The following GOLGA1 variants were observed in gnomAD, a reference collection of about 807,000 sequenced individuals.
GOLGA1 encodes golgin A1.
A neutral mutation model predicts 119.7 loss-of-function variants in GOLGA1; 63 were observed. The ratio of observed to expected loss-of-function variants is 0.53; its 90% CI spans 0.43 to 0.65. GOLGA1 has a LOEUF of 0.65. Ranked by LOEUF, GOLGA1 falls within the 30% of genes least tolerant of loss-of-function variation. The pLI is 0.00. For synonymous variants in GOLGA1, 318 were observed against 333.4 expected (o/e 0.95, Z 0.50); for missense variants, 798 against 912.8 (o/e 0.87, Z 1.62).
At chr9:124,926,910 A>G (rs1038069043) in intron 6 of GOLGA1, among the ~76,000 whole-genome samples, 169 bp from the exon 7 acceptor site, 5 of 152,216 alleles carry the variant, frequency 3.3e-5, no homozygotes, top group Non-Finnish European at 7.3e-5. Flanking sequence ...AAGAAAGGCA[A>G]GAGTCACAAA....
chr9:124,914,867 T>G (rs1588082558), intron 10 of GOLGA1, among the ~76,000 whole-genome samples: 1 of 152,160 alleles, frequency 6.6e-6, no homozygotes. Flanking sequence ...AAACAACACA[T>G]CTTACACAGG....
At chr9:124,937,342 A>G (rs1258493447) in intron 3 of GOLGA1, among the ~76,000 whole-genome samples, 1 of 152,056 alleles carries the variant, frequency 6.6e-6, no homozygotes, top group Admixed American at 6.6e-5. Flanking sequence ...GTCCCAAGCT[A>G]CTCAGGAGGC....
At chr9:124,909,031 C>T (rs749554234) in intron 11 of GOLGA1, among the ~76,000 whole-genome samples, 1 of 152,138 alleles carries the variant, frequency 6.6e-6, no homozygotes, top group Non-Finnish European at 1.5e-5. Context: ...AATTCTAGGC[C>T]GGGTGTGGTG....
intron 19 of GOLGA1, among the ~76,000 whole-genome samples, chr9:124,886,621 C>T (rs956867322): frequency 6.6e-5 from 10 of 152,052 alleles, no homozygotes; most frequent in Admixed American, 2.0e-4. Context: ...GGGTGCAAGC[C>T]GAGGGCTTTC....
intron 15 of GOLGA1, 105 bp from the exon 16 acceptor site, chr9:124,890,583 C>A: frequency 2.4e-6 from 2 of 828,586 alleles, no homozygotes; most frequent in Non-Finnish European, 4.1e-6. Context: ...CAGAGCCAGA[C>A]CAACATGCTC....
intron 12 of GOLGA1, 101 bp from the exon 13 acceptor site, chr9:124,900,648 A>G (rs1830085064): frequency 1.8e-6 from 1 of 568,058 alleles, no homozygotes. Context: ...CAGGTACATT[A>G]TAGAAAAATG....
rs147995030 is a variant in GOLGA1, at chr9:124,900,451, C to T, written c.1161+1G>A. 4 of 1,458,750 alleles carry T rather than the reference C, an allele frequency of 2.7e-6. No individual in the cohort carries two copies. Among genetic ancestry groups the T allele is most frequent in the Non-Finnish European group, 3.9e-6 (4 of 1,038,286 alleles). The allele number at this position is 1,458,750 out of a possible 1,614,324, so 90.4% of individuals were successfully genotyped here. On this transcript the variant is annotated splice_donor_variant, in intron 13 of 22. Coordinates refer to ENST00000373555, the MANE Select transcript of GOLGA1 (RefSeq NM_002077.4). LOFTEE classifies it high-confidence loss of function. ...ATGCAGCAGCTCCAATAAGCACTTA[C>T]GAGCTCCTGTATCTGAGTTTCCTGG...
At chr9:124,933,446 A>C (rs1350390889) in intron 3 of GOLGA1, among the ~76,000 whole-genome samples, 1 of 151,992 alleles carries the variant, frequency 6.6e-6, no homozygotes, top group Non-Finnish European at 1.5e-5. Context: ...ATTTAGACAG[A>C]GTCTCGCTCT....
rs61733258 is a variant in GOLGA1, at chr9:124,890,457, T to C, written c.1429A>G (p.Ile477Val). The change falls in exon 16 of 23, where the codon ATT becomes GTT. Residue 477 changes from isoleucine (I) to valine (V), a missense_variant. Transcript: ENST00000373555. Reference sequence around the variant, plus strand: ...GCTTGAGCCATGGCCACGCTCACAATTTCTCTTTGGCTCCATTCTTCCTAC... The same window carrying C: ...GCTTGAGCCATGGCCACGCTCACAACTTCTCTTTGGCTCCATTCTTCCTAC... ...KLKEEWSQRE[I>V]VSVAMAQALE... 6.2e-7 allele frequency: 1 copy of C among 1,613,608 alleles called. No homozygotes were observed.
chr9:124,920,340 C>A (rs1285793783), intron 10 of GOLGA1, among the ~76,000 whole-genome samples: 2 of 148,496 alleles, frequency 1.3e-5, no homozygotes, highest in Non-Finnish European at 3.0e-5. Flanking sequence ...CTCATGTGAT[C>A]CTCCTGCCTT....
chr9:124,884,330 A>G (rs1047900478), intron 19 of GOLGA1, among the ~76,000 whole-genome samples: 1 of 152,218 alleles, frequency 6.6e-6, no homozygotes, highest in African/African-American at 2.4e-5. Context: ...AAATTTATTC[A>G]AAGTCTCTGA....
At position 124,889,414 on chromosome 9, in the gene GOLGA1, G is replaced by T; in HGVS notation, c.1600+20C>A. On this transcript the variant is annotated intron_variant, in intron 17 of 22. Coordinates refer to ENST00000373555, the MANE Select transcript of GOLGA1 (RefSeq NM_002077.4). ...GGGCCTGAAAAGGAGAGAAGGCTCA[G>T]CCAGGGACCGACTCCTCACCTCGCT... The T allele has an allele frequency of 6.3e-7, 1 of 1,597,720 alleles. No individual in the cohort carries two copies. Among genetic ancestry groups the T allele is most frequent in the East Asian group, 2.2e-5 (1 of 44,780 alleles).
At chr9:124,932,085 G>A (rs1450704900) in intron 3 of GOLGA1, among the ~76,000 whole-genome samples, 1 of 152,266 alleles carries the variant, frequency 6.6e-6, no homozygotes, top group Non-Finnish European at 1.5e-5. Context: ...AGAGAGATTG[G>A]TCTAAATAAT....
chr9:124,908,430 G>A lies in GOLGA1; in HGVS notation c.1012C>T (p.Leu338Phe), dbSNP rs751085724. The A allele has an allele frequency of 6.2e-7, 1 of 1,611,430 alleles. No individual in the cohort carries two copies. Among genetic ancestry groups the A allele is most frequent in the Admixed American group, 1.7e-5 (1 of 60,032 alleles). Residue 338 changes from leucine (L) to phenylalanine (F), a missense_variant, in exon 12 of 23, where the codon CTC becomes TTC. Leu to Phe is a conservative substitution (Grantham distance 22, BLOSUM62 0). Coordinates refer to ENST00000373555, the MANE Select transcript of GOLGA1 (RefSeq NM_002077.4). ...EQNLEDTRQQ[L>F]LAARSSQAKA... Reference sequence around the variant, plus strand: ...GCCTGGCTGCTTCTGGCTGCCAAGAGCTGTTGTCTGGTATCCTCCAAATTC... The same window carrying A: ...GCCTGGCTGCTTCTGGCTGCCAAGAACTGTTGTCTGGTATCCTCCAAATTC...
chr9:124,888,106 G>A lies in GOLGA1; in HGVS notation c.1905+147C>T. 1 of 725,860 alleles carries A rather than the reference G, an allele frequency of 1.4e-6. No homozygotes were observed. Among genetic ancestry groups the A allele is most frequent in the Non-Finnish European group, 2.4e-6 (1 of 410,618 alleles). 45.0% of individuals were successfully genotyped at this position (725,860 alleles called of 1,614,324 possible). A position where few individuals can be genotyped will look rare whatever the true frequency, so the allele number is the denominator to read the frequency against. Reference sequence around the variant, plus strand: ...ACAGTGCAGGAGGAACGGAAGATCAGGAGGAAGGCCTTTGGGTGAGAGGGG... The same window carrying A: ...ACAGTGCAGGAGGAACGGAAGATCAAGAGGAAGGCCTTTGGGTGAGAGGGG... On this transcript the variant is annotated intron_variant, in intron 19 of 22. Transcript: ENST00000373555. The surrounding 1 kb of genome is among the most constrained non-coding windows in gnomAD (Gnocchi z 4.4).
chr9:124,900,731 T>A (rs1299272455), intron 12 of GOLGA1, among the ~76,000 whole-genome samples, 184 bp from the exon 13 acceptor site: 1 of 152,226 alleles, frequency 6.6e-6, no homozygotes, highest in Non-Finnish European at 1.5e-5. Flanking sequence ...TTTCTTAAAC[T>A]CTCTTTTAAT....
intron 15 of GOLGA1, among the ~76,000 whole-genome samples, chr9:124,893,971 C>A (rs1389446675): frequency 1.3e-5 from 2 of 152,154 alleles, no homozygotes; most frequent in Non-Finnish European, 2.9e-5. Context: ...GGAAGCATCT[C>A]TCTAGTCTCA....
Position 124,882,502 on chromosome 9 carries a change from G to A in GOLGA1, c.1965+8C>T, listed in dbSNP as rs1017676950. 1 of 1,605,778 alleles carries A rather than the reference G, an allele frequency of 6.2e-7. No individual in the cohort carries two copies. Among genetic ancestry groups the A allele is most frequent in the South Asian group, 1.1e-5 (1 of 90,744 alleles). On this transcript the variant is annotated splice_region_variant and intron_variant, in intron 20 of 22. Coordinates refer to ENST00000373555, the MANE Select transcript of GOLGA1 (RefSeq NM_002077.4). ...GGAAGTGGGGCCAGCTCCCATGCGA[G>A]TACTCACCAGCTCCTTCTGCAGAGT...
At chr9:124,924,474 A>G (rs760799740) in intron 7 of GOLGA1, among the ~76,000 whole-genome samples, 2 of 151,770 alleles carry the variant, frequency 1.3e-5, no homozygotes, top group Non-Finnish European at 2.9e-5. Context: ...TATAAAAAAT[A>G]CAAAAAAATT....
Sources: gnomAD v4.1 joint callset for allele counts (sites outside exome capture counted in the v4.1 genomes callset) on GRCh38, gnomAD v4.1.1 for gene constraint, Gnocchi (gnomAD v3.1) non-coding constraint, MANE v1.5 for transcripts, NCBI Gene and HGNC (gene_info 2026-07-23, HGNC 2026-07-21) for gene names.